PSMD13: variants seen among roughly 807,000 people sequenced by gnomAD.
PSMD13 encodes the protein proteasome 26S subunit, non-ATPase 13, also known as 26S proteasome non-ATPase regulatory subunit 13.
Under a neutral mutation model 57.4 loss-of-function variants are expected in PSMD13, and 8 were observed. That is an observed-to-expected ratio of 0.14 (90% CI 0.08 to 0.25). The LOEUF (loss-of-function observed/expected upper bound fraction) is 0.25. Ranked by LOEUF, PSMD13 falls within the 10% of genes least tolerant of loss-of-function variation. The pLI, the probability that PSMD13 is intolerant of heterozygous loss-of-function variation, is 1.00. For synonymous variants in PSMD13, 193 were observed against 168.2 expected, an observed-to-expected ratio of 1.15 and a Z score of -1.14; for missense variants, 400 against 461.5, an observed-to-expected ratio of 0.87 and a Z score of 1.22.
Position 249,015 on chromosome 11 carries a change from C to G in PSMD13, c.732C>G (p.Asn244Lys). Residue 244 changes from asparagine (N) to lysine (K), a missense_variant, in exon 9 of 13, where the codon AAC becomes AAG. Asn to Lys is a moderately conservative substitution (Grantham distance 94). Transcript: ENST00000532097. ...CCCTCTATGCCTTCAACAGTGGCAA[C>G]GTAGAGCGGTTCCAGACTCTGAAGA... ...IDTLYAFNSGNVERFQTLKTA... is the reference protein window; with the variant it reads ...IDTLYAFNSGKVERFQTLKTA... The G allele has an allele frequency of 6.2e-7, 1 of 1,613,884 alleles. No homozygotes were observed. Among genetic ancestry groups the G allele is most frequent in the Non-Finnish European group, 8.5e-7 (1 of 1,180,028 alleles).
In PSMD13 at chr11:246,335, C is replaced by T. The variant is rs537635978; in HGVS notation, c.397-942C>T. On this transcript the variant is annotated intron_variant, in intron 6 of 12. Transcript: ENST00000532097. Reference sequence around the variant, plus strand: ...CAGCCAAGATGGTAAAACCCCGTCTCTACTAAAACCACAAAAATTAGCCGG... The same window carrying T: ...CAGCCAAGATGGTAAAACCCCGTCTTTACTAAAACCACAAAAATTAGCCGG... Among the ~76,000 whole-genome samples, 4 of 152,156 alleles carry T rather than the reference C, an allele frequency of 2.6e-5. No homozygotes were observed. In the South Asian group the frequency reaches 8.3e-4, roughly 32 times the overall value.
Position 250,860 on chromosome 11 carries a change from A to T in PSMD13, c.832A>T (p.Met278Leu), listed in dbSNP as rs764015734. 4.3e-6 allele frequency: 7 copies of T among 1,613,792 alleles called. No homozygotes were observed. The highest frequency in any genetic ancestry group is 5.9e-6 in the Non-Finnish European group (7 of 1,179,928). ...GAGGAAAATTCAGTTGTTGTGCCTC[A>T]TGGAGGTAAGCGAACACCCAGGAGC... Reference protein sequence around the residue: ...LLRKIQLLCLMEMTFTRPANH... With the variant: ...LLRKIQLLCLLEMTFTRPANH... The change falls in exon 10 of 13, where the codon ATG (methionine) becomes TTG (leucine). Residue 278 changes from methionine to leucine, a missense_variant. By Grantham distance (15) the Met-to-Leu change is conservative. Coordinates refer to ENST00000532097, the MANE Select transcript of PSMD13 (RefSeq NM_002817.4).
At chr11:250,648 T>C in intron 9 of PSMD13, 155 bp from the exon 10 acceptor site, 1 of 619,256 alleles carries the variant, frequency 1.6e-6, no homozygotes, top group Non-Finnish European at 2.9e-6. Context: ...TCACTTGTTG[T>C]TAATGAGCTT....
At position 252,055 on chromosome 11, in the gene PSMD13, T is replaced by C. The variant is rs2133994029; in HGVS notation, c.1035+119T>C. On this transcript the variant is annotated intron_variant, in intron 12 of 12. Coordinates refer to ENST00000532097, the MANE Select transcript of PSMD13 (RefSeq NM_002817.4). This position sits in a 1 kb window ranked among gnomAD's most constrained non-coding sequence, Gnocchi z 4.1. ...AGACAGCATTATTAGACAAGAGGTT[T>C]TGGAGAAGGAAATACTGCTGTTGGG... The C allele has an allele frequency of 1.0e-6, 1 of 965,168 alleles. No individual in the cohort carries two copies. Among genetic ancestry groups the C allele is most frequent in the Non-Finnish European group, 1.6e-6 (1 of 629,830 alleles). The allele number at this position is 965,168 out of a possible 1,614,324, so 59.8% of individuals were successfully genotyped here. A position where few individuals can be genotyped will look rare whatever the true frequency, so the allele number is the denominator to read the frequency against.
At chr11:238,202 A>G (rs760590991) in intron 1 of PSMD13, among the ~76,000 whole-genome samples, 8 of 152,222 alleles carry the variant, frequency 5.3e-5, no homozygotes, top group Non-Finnish European at 8.8e-5. Flanking sequence ...ACTGAAGCTC[A>G]TTTTAATTGC....
rs143125283 is a variant in PSMD13, at chr11:241,645, T to A, written c.175-2396T>A. Among the ~76,000 whole-genome samples, 720 of 152,276 alleles carry A rather than the reference T, an allele frequency of 4.7e-3. 13 individuals carry two copies. Among genetic ancestry groups the A allele is most frequent in the East Asian group, 0.037 (193 of 5,174 alleles). The stretch of plus-strand genomic sequence containing the variant: ...CAGTTACCCCTAACTCAGGGGTTAT[T>A]GTCAGCTCTCCTTCTCTGTGACCGG... On this transcript the variant is annotated intron_variant, in intron 2 of 12. Transcript: ENST00000532097.
At chr11:237,940 C>G (rs749635898) in intron 1 of PSMD13, among the ~76,000 whole-genome samples, 3 of 152,248 alleles carry the variant, frequency 2.0e-5, no homozygotes, top group Non-Finnish European at 4.4e-5. Flanking sequence ...ATACCTTTCA[C>G]ATAGATGTTC....
chr11:244,474 ATG>A lies in PSMD13; in HGVS notation c.309+8_309+9del. ...CTGGAAAAGACTCGTGAGAAGGTAA[ATG>A]TGGCATGTGGGCAATACCTTTTAGT... is the stretch of plus-strand genomic sequence containing the variant. On this transcript the variant is annotated splice_donor_region_variant and intron_variant, in intron 5 of 12. Transcript: ENST00000532097. The A allele has an allele frequency of 6.3e-7, 1 of 1,577,116 alleles. No individual in the cohort carries two copies. The highest frequency in any genetic ancestry group is 8.6e-7 in the Non-Finnish European group (1 of 1,165,654).
Position 248,958 on chromosome 11 carries a change from G to C in PSMD13, c.675G>C (p.Leu225=). 6.2e-7 allele frequency: 1 copy of C among 1,614,190 alleles called. No individual in the cohort carries two copies. Among genetic ancestry groups the C allele is most frequent in the Non-Finnish European group, 8.5e-7 (1 of 1,180,034 alleles). ...ELLMHPVLES[L]RNTDRQWLID... is the part of the protein sequence containing the mutation. ...TCATGCACCCTGTGCTGGAGTCCCTGAGGAATACTGACCGGCAGTGGCTGA... is the reference window on the plus strand; with the variant it reads ...TCATGCACCCTGTGCTGGAGTCCCTCAGGAATACTGACCGGCAGTGGCTGA... Residue 225 remains leucine, a synonymous_variant, in exon 9 of 13, where the codon CTG becomes CTC. Transcript: ENST00000532097.
Position 252,005 on chromosome 11 carries a change from T to G in PSMD13, c.1035+69T>G. ...GGGTTGTGTCTATACCGTCTTAGTT[T>G]CATTTGGATGGAAGCCATTTGGGAA... On this transcript the variant is annotated intron_variant, in intron 12 of 12. Coordinates refer to ENST00000532097, the MANE Select transcript of PSMD13 (RefSeq NM_002817.4). The surrounding 1 kb of genome is among the most constrained non-coding windows in gnomAD (Gnocchi z 4.1). 7.1e-7 allele frequency: 1 copy of G among 1,406,490 alleles called. No individual in the cohort carries two copies. Among genetic ancestry groups the G allele is most frequent in the Non-Finnish European group, 9.9e-7 (1 of 1,010,366 alleles). 87.1% of individuals were successfully genotyped at this position (1,406,490 alleles called of 1,614,324 possible). A position where few individuals can be genotyped will look rare whatever the true frequency, so the allele number is the denominator to read the frequency against.
At position 252,070 on chromosome 11, in the gene PSMD13, C is replaced by T. The variant is rs930215070; in HGVS notation, c.1035+134C>T. On this transcript the variant is annotated intron_variant, in intron 12 of 12. Coordinates refer to ENST00000532097, the MANE Select transcript of PSMD13 (RefSeq NM_002817.4). The surrounding 1 kb of genome is among the most constrained non-coding windows in gnomAD (Gnocchi z 4.1). ...ACAAGAGGTTTTGGAGAAGGAAATA[C>T]TGCTGTTGGGTTTTTCTAAGAGCCT... 3 of 837,022 alleles carry T rather than the reference C, an allele frequency of 3.6e-6. No homozygotes were observed. The highest frequency in any genetic ancestry group is 1.7e-5 in the African/African-American group (1 of 58,506). 51.8% of individuals were successfully genotyped at this position (837,022 alleles called of 1,614,324 possible).
chr11:245,430 G>A (rs930185698), intron 6 of PSMD13, among the ~76,000 whole-genome samples: 4 of 152,156 alleles, frequency 2.6e-5, no homozygotes, highest in African/African-American at 9.7e-5. Flanking sequence ...AAAGCACATT[G>A]GTTCTCCCTG....
chr11:251,479 C>T lies in PSMD13; in HGVS notation c.838-67C>T. On this transcript the variant is annotated intron_variant, in intron 10 of 12. Transcript: ENST00000532097. The surrounding 1 kb of genome is among the most constrained non-coding windows in gnomAD (Gnocchi z 4.6). ...ATTTTCAGAGCCAATATTGACAAAACATCCTTATCAGTTCTCTATTTTTAT... is the reference window on the plus strand; with the variant it reads ...ATTTTCAGAGCCAATATTGACAAAATATCCTTATCAGTTCTCTATTTTTAT... The T allele has an allele frequency of 1.5e-6, 2 of 1,368,312 alleles. No homozygotes were observed. The highest frequency in any genetic ancestry group is 2.0e-6 in the Non-Finnish European group (2 of 984,180). The allele number at this position is 1,368,312 out of a possible 1,614,324, so 84.8% of individuals were successfully genotyped here.
intron 9 of PSMD13, 114 bp downstream of exon 9, chr11:249,171 G>A: frequency 7.0e-7 from 1 of 1,434,248 alleles, no homozygotes; most frequent in South Asian, 1.2e-5. Context: ...GCAAAGAGGA[G>A]ACCAAGATAG....
chr11:247,659 C>G (rs978469145), intron 7 of PSMD13: 17 of 420,766 alleles, frequency 4.0e-5, no homozygotes, highest in Non-Finnish European at 6.7e-5. Context: ...TGGTGAAACC[C>G]TGTCTCTACT....
At chr11:243,484 T>A in intron 2 of PSMD13, 4 of 306,594 alleles carry the variant, frequency 1.3e-5, no homozygotes, top group South Asian at 1.1e-4. Flanking sequence ...CAAATAAACC[T>A]GAACATAGAT....
chr11:252,739 T>C lies in PSMD13; in HGVS notation c.*139T>C. 1.3e-6 allele frequency: 1 copy of C among 743,578 alleles called. No homozygotes were observed. Among genetic ancestry groups the C allele is most frequent in the Non-Finnish European group, 2.2e-6 (1 of 450,980 alleles). The allele number at this position is 743,578 out of a possible 1,614,324, so 46.1% of individuals were successfully genotyped here. A position where few individuals can be genotyped will look rare whatever the true frequency, so the allele number is the denominator to read the frequency against. On this transcript the variant is annotated 3_prime_UTR_variant, in exon 13 of 13. Transcript: ENST00000532097. The surrounding 1 kb of genome is among the most constrained non-coding windows in gnomAD (Gnocchi z 4.1). ...TGTCTGAAGTACAGACTGTTCTTGC[T>C]CTAAAAACAGGACTGTCCCTGATGG...
In PSMD13 at chr11:248,744, G is replaced by A. The variant is rs896649478; in HGVS notation, c.569-32G>A. ...CTAAACAGGACTGATTATTATGACT[G>A]GATTGTAAGTGGGCCTGTGTTGCTA... is the stretch of plus-strand genomic sequence containing the variant. On this transcript the variant is annotated intron_variant, in intron 7 of 12. Transcript: ENST00000532097. 3.1e-6 allele frequency: 5 copies of A among 1,598,808 alleles called. No individual in the cohort carries two copies. In the Admixed American group the frequency reaches 6.7e-5, roughly 21 times the overall value.
Position 237,003 on chromosome 11 carries a change from T to G in PSMD13, c.-47T>G. 6.7e-7 allele frequency: 1 copy of G among 1,501,976 alleles called. No individual in the cohort carries two copies. The highest frequency in any genetic ancestry group is 1.1e-5 in the South Asian group (1 of 88,086). The allele number at this position is 1,501,976 out of a possible 1,614,324, so 93.0% of individuals were successfully genotyped here. On this transcript the variant is annotated 5_prime_UTR_variant, in exon 1 of 13. Coordinates refer to ENST00000532097, the MANE Select transcript of PSMD13 (RefSeq NM_002817.4). ...GCATTTCCGGCAGCCATCCCCGCGG[T>G]GCTGACATCCCGGTTGTTCTTCTGT... is the stretch of plus-strand genomic sequence containing the variant.
Sources: allele counts gnomAD v4.1 joint callset (sites outside exome capture counted in the v4.1 genomes callset), GRCh38; gene constraint gnomAD v4.1.1; non-coding constraint Gnocchi (gnomAD v3.1); transcripts MANE v1.5; gene names NCBI Gene and HGNC (gene_info 2026-07-23, HGNC 2026-07-21).